The following P2RY2 variants were observed in gnomAD, a reference collection of about 807,000 sequenced individuals.
P2RY2 encodes P2Y purinoceptor 2.
For missense variants in P2RY2, 567 were observed against 515.7 expected, an observed-to-expected ratio of 1.10 and a Z score of -0.96; for synonymous variants, 241 against 231.9, an observed-to-expected ratio of 1.04 and a Z score of -0.35.
chr11:73,231,365 G>A (rs1169121823), intron 2 of P2RY2, among the ~76,000 whole-genome samples: 1 of 140,948 alleles, frequency 7.1e-6, no homozygotes, highest in Non-Finnish European at 1.5e-5. Context: ...GGGCGACATG[G>A]CAAAACCCCA....
chr11:73,224,500 A>G, intron 1 of P2RY2, among the ~76,000 whole-genome samples: 1 of 152,156 alleles, frequency 6.6e-6, no homozygotes, highest in South Asian at 2.1e-4. Context: ...ACCCTGTGTT[A>G]TCATCGCCTG....
chr11:73,240,231 C>T lies in P2RY2; in HGVS notation c.*4938C>T, dbSNP rs1344471941. On this transcript the variant is annotated 3_prime_UTR_variant, in exon 3 of 3. Coordinates refer to ENST00000393597, the MANE Select transcript of P2RY2 (RefSeq NM_002564.4). ...ATGGGCCAGGCAGGGCCAGTCACCC[C>T]CTGTCCCTGGGGGCTCCACCCACGG... 2 of 152,384 alleles carry T rather than the reference C, an allele frequency of 1.3e-5. No individual in the cohort carries two copies. The highest frequency in any genetic ancestry group is 2.9e-5 in the Non-Finnish European group (2 of 68,168). 9.4% of individuals were successfully genotyped at this position (152,384 alleles called of 1,614,324 possible). A position where few individuals can be genotyped will look rare whatever the true frequency, so the allele number is the denominator to read the frequency against.
At chr11:73,229,590 G>T (rs764442247) in intron 2 of P2RY2, among the ~76,000 whole-genome samples, 1 of 152,102 alleles carries the variant, frequency 6.6e-6, no homozygotes, top group Admixed American at 6.5e-5. Flanking sequence ...GGCGGGAGGG[G>T]TGAGTCTGGC....
intron 1 of P2RY2, among the ~76,000 whole-genome samples, chr11:73,225,370 G>A (rs1347615862): frequency 6.6e-6 from 1 of 152,244 alleles, no homozygotes; most frequent in Non-Finnish European, 1.5e-5. Context: ...GCTTGGCTCT[G>A]CCCTTGGCTC....
chr11:73,219,166 G>C (rs1862050674), intron 1 of P2RY2, among the ~76,000 whole-genome samples: 1 of 152,208 alleles, frequency 6.6e-6, no homozygotes, highest in Non-Finnish European at 1.5e-5. Flanking sequence ...CATGGCTGCT[G>C]TTCCTCTCAG....
intron 1 of P2RY2, among the ~76,000 whole-genome samples, chr11:73,224,154 C>G (rs963371971): frequency 6.6e-6 from 1 of 152,202 alleles, no homozygotes; most frequent in East Asian, 1.9e-4. Context: ...GGCCCTGGTG[C>G]TCCCGGTGCA....
chr11:73,236,421 C>T lies in P2RY2; in HGVS notation c.*1128C>T. ...CACTCTAGCACACCACTGGATAATG[C>T]CGAGTGGCTGGGGCTGTGAGCCAGG... On this transcript the variant is annotated 3_prime_UTR_variant, in exon 3 of 3. Coordinates refer to ENST00000393597, the MANE Select transcript of P2RY2 (RefSeq NM_002564.4). 1 of 447,628 alleles carries T rather than the reference C, an allele frequency of 2.2e-6. No homozygotes were observed. Among genetic ancestry groups the T allele is most frequent in the Non-Finnish European group, 3.0e-6 (1 of 329,704 alleles). 27.7% of individuals were successfully genotyped at this position (447,628 alleles called of 1,614,324 possible).
chr11:73,222,582 C>T (rs1009695073), intron 1 of P2RY2, among the ~76,000 whole-genome samples: 2 of 152,128 alleles, frequency 1.3e-5, no homozygotes, highest in African/African-American at 2.4e-5. Context: ...CATGCCACCT[C>T]ACCCTCCACA....
intron 2 of P2RY2, among the ~76,000 whole-genome samples, chr11:73,229,879 A>G (rs1343536659): frequency 2.0e-5 from 3 of 152,084 alleles, no homozygotes; most frequent in Non-Finnish European, 4.4e-5. Context: ...TGTCTGCATC[A>G]TGGAGGAAGC....
At chr11:73,226,789 A>G (rs1488393585) in intron 1 of P2RY2, among the ~76,000 whole-genome samples, 2 of 152,132 alleles carry the variant, frequency 1.3e-5, no homozygotes, top group Admixed American at 6.5e-5. Context: ...GGTGTGCACA[A>G]GGGGCTCCAA....
chr11:73,226,138 TGGTTGGA>T (rs1862271108), intron 1 of P2RY2, among the ~76,000 whole-genome samples: 1 of 152,130 alleles, frequency 6.6e-6, no homozygotes, highest in Admixed American at 6.5e-5. Context: ...GGAATTTCAC[TGGTTGGA>T]CTAACAGGGC....
chr11:73,232,945 G>A (rs1245820147), intron 2 of P2RY2, among the ~76,000 whole-genome samples: 2 of 152,110 alleles, frequency 1.3e-5, no homozygotes, highest in African/African-American at 2.4e-5. Flanking sequence ...TTGGTCACCT[G>A]GGTAGGGGTA....
intron 2 of P2RY2, among the ~76,000 whole-genome samples, chr11:73,233,058 G>A (rs1862505957): frequency 6.6e-6 from 1 of 152,130 alleles, no homozygotes; most frequent in Non-Finnish European, 1.5e-5. Context: ...AAGGTTGGGG[G>A]GGACACCATG....
chr11:73,235,104 C>A lies in P2RY2; in HGVS notation c.945C>A (p.Arg315=), dbSNP rs771589233. 2 of 1,606,712 alleles carry A rather than the reference C, an allele frequency of 1.2e-6. No individual in the cohort carries two copies. Among genetic ancestry groups the A allele is most frequent in the African/African-American group, 1.3e-5 (1 of 75,034 alleles). The change falls in exon 3 of 3, where the codon CGC becomes CGA. Residue 315 remains arginine (R), a synonymous_variant. Transcript: ENST00000393597. ...TCCTGGCTGGGCAGAGGCTCGTACG[C>A]TTTGCCCGAGATGCCAAGCCACCCA... ...LYFLAGQRLV[R]FARDAKPPTG...
At position 73,219,550 on chromosome 11, in the gene P2RY2, G is replaced by A. The variant is rs187915792; in HGVS notation, c.-200+1118G>A. On this transcript the variant is annotated intron_variant, in intron 1 of 2. Coordinates refer to ENST00000393597, the MANE Select transcript of P2RY2 (RefSeq NM_002564.4). ...TGGGCAGGCTCACAGCTTGGGGATGGGAAGTCAGTCCCTGGAAGGAGCCTC... is the reference window on the plus strand; with the variant it reads ...TGGGCAGGCTCACAGCTTGGGGATGAGAAGTCAGTCCCTGGAAGGAGCCTC... Among the ~76,000 whole-genome samples, 23 of 152,316 alleles carry A rather than the reference G, an allele frequency of 1.5e-4. No homozygotes were observed. The East Asian group carries it at 3.5e-3, about 23-fold the overall frequency.
At chr11:73,223,706 G>A (rs1428731757) in intron 1 of P2RY2, among the ~76,000 whole-genome samples, 3 of 152,192 alleles carry the variant, frequency 2.0e-5, no homozygotes, top group Admixed American at 1.3e-4. Context: ...GGCTGTGATA[G>A]GTTGGGGTGG....
At position 73,234,360 on chromosome 11, in the gene P2RY2, G is replaced by C. The variant is rs543772574; in HGVS notation, c.201G>C (p.Ala67=). The change falls in exon 3 of 3, where the codon GCG becomes GCC. Residue 67 remains alanine (A), a synonymous_variant. Transcript: ENST00000393597. ...TGTGCCGCCTCAAGACCTGGAATGC[G>C]TCCACCACATATATGTTCCACCTGG... ...IFLCRLKTWN[A]STTYMFHLAV... 66 of 1,614,100 alleles carry C rather than the reference G, an allele frequency of 4.1e-5. No homozygotes were observed. The highest frequency in any genetic ancestry group is 1.2e-4 in the South Asian group (11 of 91,090).
At chr11:73,219,662 G>T (rs1195412630) in intron 1 of P2RY2, among the ~76,000 whole-genome samples, 3 of 152,290 alleles carry the variant, frequency 2.0e-5, no homozygotes, top group African/African-American at 7.2e-5. Context: ...GGGACTTAAG[G>T]TATTTGATAA....
Position 73,239,866 on chromosome 11 carries a change from CGCCACACAGA to C in P2RY2, c.*4583_*4592del, listed in dbSNP as rs1408448361. The C allele has an allele frequency of 6.6e-6, 1 of 152,414 alleles. No homozygotes were observed. The highest frequency in any genetic ancestry group is 1.5e-5 in the Non-Finnish European group (1 of 68,222). The allele number at this position is 152,414 out of a possible 1,614,324, so 9.4% of individuals were successfully genotyped here. On this transcript the variant is annotated 3_prime_UTR_variant, in exon 3 of 3. Transcript: ENST00000393597. ...CAGAGAAGTGAAGTGACCCCACTGC[CGCCACACAGA>C]GCCACACAGTGCGATGTCTGGAGCT...
Sources: allele counts gnomAD v4.1 joint callset (sites outside exome capture counted in the v4.1 genomes callset), GRCh38; gene constraint gnomAD v4.1.1; transcripts MANE v1.5; gene names NCBI Gene and HGNC (gene_info 2026-07-23, HGNC 2026-07-21).